Variants in PCBP3 observed in about 807,000 individuals in gnomAD.
PCBP3 encodes the protein poly(rC)-binding protein 3.
In PCBP3, 25 loss-of-function variants were observed where a neutral mutation model predicts 52.7. That is an observed-to-expected ratio of 0.47 (90% CI 0.35 to 0.66). The LOEUF (loss-of-function observed/expected upper bound fraction) is 0.66, where lower values mean the gene tolerates loss of function less well. Ranked by LOEUF, PCBP3 falls within the 30% of genes least tolerant of loss-of-function variation. PCBP3 has a pLI of 0.01. For synonymous variants in PCBP3, 162 were observed against 183.0 expected (o/e 0.89, Z 0.93); for missense variants, 391 against 490.3 (o/e 0.80, Z 1.91).
At chr21:45,937,240 T>A (rs1488429971) in intron 16 of PCBP3, among the ~76,000 whole-genome samples, 1 of 152,210 alleles carries the variant, frequency 6.6e-6, no homozygotes, top group African/African-American at 2.4e-5. Flanking sequence ...CTCCTGAGAC[T>A]CACAGGCTCC....
In PCBP3 at chr21:45,826,120, T is replaced by A. The variant is rs978496915; in HGVS notation, c.-125-23841T>A. The stretch of plus-strand genomic sequence containing the variant: ...CTAAAAATACAAAATTAGCCAGGCG[T>A]GGTGGCACATGCCTGTAATCCCAGC... On this transcript the variant is annotated intron_variant, in intron 4 of 17. Transcript: ENST00000681687. Among the ~76,000 whole-genome samples the A allele has an allele frequency of 3.9e-5, 6 of 151,968 alleles. No homozygotes were observed. The East Asian group carries it at 5.8e-4, about 15-fold the overall frequency.
intron 9 of PCBP3, among the ~76,000 whole-genome samples, chr21:45,903,495 TG>T (rs1346659408): frequency 6.6e-6 from 1 of 152,006 alleles, no homozygotes; most frequent in African/African-American, 2.4e-5. Context: ...TGTCTAGAGA[TG>T]TGCATCCCTG....
chr21:45,703,518 A>G (rs1042702125), intron 2 of PCBP3, among the ~76,000 whole-genome samples: 2 of 152,192 alleles, frequency 1.3e-5, no homozygotes, highest in Non-Finnish European at 2.9e-5. Context: ...TCTGGGGTAC[A>G]GTGGCTGGGA....
intron 13 of PCBP3, among the ~76,000 whole-genome samples, chr21:45,925,439 G>A (rs1569503584): frequency 1.3e-5 from 2 of 152,176 alleles, no homozygotes; most frequent in African/African-American, 4.8e-5. Flanking sequence ...GAAAACAAGT[G>A]TCAAAAATTA....
chr21:45,845,819 T>G (rs1216963306), intron 4 of PCBP3, among the ~76,000 whole-genome samples: 1 of 152,242 alleles, frequency 6.6e-6, no homozygotes. Context: ...ACCCTTGGGG[T>G]CCTTGCCTTT....
intron 13 of PCBP3, among the ~76,000 whole-genome samples, chr21:45,922,808 G>A (rs763709209): frequency 3.9e-5 from 6 of 152,274 alleles, no homozygotes; most frequent in Non-Finnish European, 7.3e-5. Context: ...TCTGAGAGGT[G>A]CCTTGGCCAG....
intron 4 of PCBP3, among the ~76,000 whole-genome samples, chr21:45,822,927 C>T (rs980633783): frequency 5.9e-4 from 90 of 152,146 alleles, no homozygotes; most frequent in African/African-American, 2.0e-3. Context: ...GTACCACTGT[C>T]ACCCCATGGT....
intron 2 of PCBP3, among the ~76,000 whole-genome samples, chr21:45,721,412 C>CAA (rs34586187): frequency 1.8e-4 from 17 of 95,084 alleles, no homozygotes; most frequent in African/African-American, 2.3e-4. Context: ...GACTCCATCT[C>CAA]AAAAAAAAAA....
In PCBP3 at chr21:45,736,772, TG is replaced by T. The variant is rs568161234; in HGVS notation, c.-162+1344del. Among the ~76,000 whole-genome samples the T allele has an allele frequency of 4.3e-4, 65 of 152,218 alleles. No homozygotes were observed. The highest frequency in any genetic ancestry group is 8.5e-4 in the Non-Finnish European group (58 of 68,030). ...GTTCAGCACATGTTTACAGTGTGCC[TG>T]TGATGTCCCAGGCGCACTGCCAGAA... is the stretch of plus-strand genomic sequence containing the variant. On this transcript the variant is annotated intron_variant, in intron 3 of 17. Transcript: ENST00000681687. The surrounding 1 kb of genome is among the most constrained non-coding windows in gnomAD (Gnocchi z 4.6).
At chr21:45,784,098 G>C (rs192062576) in intron 4 of PCBP3, among the ~76,000 whole-genome samples, 1 of 152,312 alleles carries the variant, frequency 6.6e-6, no homozygotes, top group Non-Finnish European at 1.5e-5. Context: ...TACCTTGACA[G>C]GGATGTAATT....
intron 9 of PCBP3, among the ~76,000 whole-genome samples, chr21:45,909,001 C>T (rs971286766): frequency 6.6e-6 from 1 of 152,154 alleles, no homozygotes; most frequent in African/African-American, 2.4e-5. Context: ...CCCAGCTAGT[C>T]TCCAGCCTCC....
At chr21:45,716,657 T>C (rs1450916849) in intron 2 of PCBP3, among the ~76,000 whole-genome samples, 1 of 152,180 alleles carries the variant, frequency 6.6e-6, no homozygotes, top group Non-Finnish European at 1.5e-5. Context: ...TTAAAATCCC[T>C]GTGTTTAAAT....
intron 4 of PCBP3, among the ~76,000 whole-genome samples, chr21:45,834,666 G>A (rs1238246584): frequency 6.6e-6 from 1 of 152,242 alleles, no homozygotes; most frequent in Non-Finnish European, 1.5e-5. Context: ...CGTGCAGATG[G>A]AAGTAGGCCA....
chr21:45,660,737 T>C (rs2080335560), intron 1 of PCBP3, among the ~76,000 whole-genome samples: 1 of 152,152 alleles, frequency 6.6e-6, no homozygotes, highest in Non-Finnish European at 1.5e-5. Context: ...TGTGCTGTTA[T>C]TGTCATACAA....
intron 1 of PCBP3, among the ~76,000 whole-genome samples, chr21:45,663,046 C>T (rs1477424669): frequency 6.6e-6 from 1 of 152,216 alleles, no homozygotes; most frequent in Non-Finnish European, 1.5e-5. Context: ...TGTCACACTC[C>T]TGGTCCGCTT....
At chr21:45,799,713 A>G (rs1462398698) in intron 4 of PCBP3, among the ~76,000 whole-genome samples, 13 of 150,794 alleles carry the variant, frequency 8.6e-5, no homozygotes, top group Non-Finnish European at 1.0e-4. Context: ...CTGAGGGGCC[A>G]GGCACGCGTC....
At chr21:45,815,645 AGTGG>A (rs1569261590) in intron 4 of PCBP3, among the ~76,000 whole-genome samples, 1 of 58,396 alleles carries the variant, frequency 1.7e-5, no homozygotes, top group East Asian at 4.6e-4. Context: ...GTGGTGAGTG[AGTGG>A]TGAGTGGTGA....
At chr21:45,688,534 A>G (rs531316956) in intron 2 of PCBP3, among the ~76,000 whole-genome samples, 1 of 152,338 alleles carries the variant, frequency 6.6e-6, no homozygotes, top group African/African-American at 2.4e-5. Context: ...AAAAGATCCC[A>G]AATCAATTAC....
At position 45,884,280 on chromosome 21, in the gene PCBP3, A is replaced by C. The variant is rs986591937; in HGVS notation, c.11-11928A>C. Among the ~76,000 whole-genome samples the C allele has an allele frequency of 2.6e-5, 4 of 151,860 alleles. No homozygotes were observed. In the East Asian group the frequency reaches 7.7e-4, roughly 29 times the overall value. On this transcript the variant is annotated intron_variant, in intron 5 of 17. Transcript: ENST00000681687. ...CTTTGTTTTTTGTTTCTCTGGTTTT[A>C]GTTTTTTCTTTCTTCCTGTGAGTCA... is the stretch of plus-strand genomic sequence containing the variant.
Sources: allele counts gnomAD v4.1 joint callset (sites outside exome capture counted in the v4.1 genomes callset), GRCh38; gene constraint gnomAD v4.1.1; non-coding constraint Gnocchi (gnomAD v3.1); transcripts MANE v1.5; gene names NCBI Gene and HGNC (gene_info 2026-07-23, HGNC 2026-07-21).